Variants in FHIT observed in about 807,000 individuals in gnomAD.
The protein encoded by FHIT is bis(5'-adenosyl)-triphosphatase.
In FHIT, 19 loss-of-function variants were observed where a neutral mutation model predicts 17.9. That is an observed-to-expected ratio of 1.06 (90% CI 0.74 to 1.56). The LOEUF is 1.56. FHIT is among the 40% of genes most tolerant of loss of function. The probability of loss-of-function intolerance (pLI) is 0.00; values close to 1 mark genes in which losing one functional copy is unlikely to be tolerated. For synonymous variants in FHIT, 81 were observed against 69.7 expected, an observed-to-expected ratio of 1.16 and a Z score of -0.81; for missense variants, 248 against 189.2, an observed-to-expected ratio of 1.31 and a Z score of -1.82.
intron 2 of FHIT, among the ~76,000 whole-genome samples, chr3:61,143,617 A>C (rs1024108148): frequency 2.6e-5 from 4 of 152,202 alleles, no homozygotes; most frequent in African/African-American, 9.6e-5. Context: ...TGTAATCCCA[A>C]CGCTCTGGGA....
chr3:60,077,763 C>T (rs571810604), intron 5 of FHIT, among the ~76,000 whole-genome samples: 17 of 136,676 alleles, frequency 1.2e-4, no homozygotes, highest in African/African-American at 4.1e-4. Context: ...TACAAAGTAA[C>T]ATGTAGGATG....
chr3:60,977,281 G>C (rs1433958064), intron 3 of FHIT, among the ~76,000 whole-genome samples: 1 of 152,172 alleles, frequency 6.6e-6, no homozygotes. Context: ...AGAGCAGTCA[G>C]CATTACCGGT....
chr3:60,863,696 A>G (rs1208512783), intron 3 of FHIT, among the ~76,000 whole-genome samples: 1 of 152,216 alleles, frequency 6.6e-6, no homozygotes, highest in Non-Finnish European at 1.5e-5. Flanking sequence ...CAGTAGTGAA[A>G]TAGGTATTAT....
intron 5 of FHIT, among the ~76,000 whole-genome samples, chr3:60,486,219 G>C (rs1238053337): frequency 2.0e-5 from 3 of 151,956 alleles, no homozygotes; most frequent in African/African-American, 4.8e-5. Flanking sequence ...AACAATAATA[G>C]AAAACAGGTA....
At chr3:60,025,571 C>A (rs17061844) in intron 5 of FHIT, among the ~76,000 whole-genome samples, 1 of 152,018 alleles carries the variant, frequency 6.6e-6, no homozygotes, top group Non-Finnish European at 1.5e-5. Flanking sequence ...TTTTTTAATG[C>A]CATAACACCG....
In FHIT at chr3:59,949,686, C is replaced by T. The variant is rs141791613; in HGVS notation, c.280-27272G>A. Among the ~76,000 whole-genome samples, 370 of 152,330 alleles carry T rather than the reference C, an allele frequency of 2.4e-3. 1 individual carries two copies. The highest frequency in any genetic ancestry group is 8.5e-3 in the African/African-American group (355 of 41,574). On this transcript the variant is annotated intron_variant, in intron 7 of 9. Transcript: ENST00000492590. Reference sequence around the variant, plus strand: ...ACGTTTATTGAGGAGTTTCTATTTACGCCAACCTGGGGCTCACATTTGGCT... The same window carrying T: ...ACGTTTATTGAGGAGTTTCTATTTATGCCAACCTGGGGCTCACATTTGGCT...
intron 4 of FHIT, among the ~76,000 whole-genome samples, chr3:60,635,339 C>T (rs1247876580): frequency 5.3e-5 from 8 of 152,158 alleles, no homozygotes; most frequent in African/African-American, 1.9e-4. Flanking sequence ...CATAGCATCT[C>T]CCTCGTAAAC....
rs1256487363 is a variant in FHIT at position 60,065,201 on chromosome 3, TGAA to T, written c.104-51052_104-51050del. Among the ~76,000 whole-genome samples the T allele has an allele frequency of 2.6e-5, 4 of 152,320 alleles. No individual in the cohort carries two copies. The East Asian group carries it at 7.7e-4, about 29-fold the overall frequency. Reference sequence around the variant, plus strand: ...ATGCGTATTACACATACAGCCAGGTTGAAGAAGACAGAAAGCATTAGAATGTGG... The same window carrying T: ...ATGCGTATTACACATACAGCCAGGTTGAAGACAGAAAGCATTAGAATGTGG... On this transcript the variant is annotated intron_variant, in intron 5 of 9. Transcript: ENST00000492590.
intron 7 of FHIT, among the ~76,000 whole-genome samples, chr3:59,948,422 C>G (rs1022956839): frequency 3.3e-5 from 5 of 150,950 alleles, no homozygotes; most frequent in Non-Finnish European, 5.9e-5. Context: ...GAGGCTGAGT[C>G]AGGAGAATTG....
chr3:60,124,062 A>G lies in FHIT; in HGVS notation c.104-109910T>C, dbSNP rs1220625565. 5.0e-5 allele frequency among the ~76,000 whole-genome samples: 6 copies of G among 120,464 alleles called. No individual in the cohort carries two copies. In the East Asian group the frequency reaches 1.2e-3, roughly 24 times the overall value. 79.0% of individuals were successfully genotyped at this position (120,464 alleles called of 152,430 possible). On this transcript the variant is annotated intron_variant, in intron 5 of 9. Coordinates refer to ENST00000492590, the MANE Select transcript of FHIT (RefSeq NM_002012.4). ...GAGAGAGAGAGAGAGAGAGACAGAGAGAGAGAGAGATACAAAGTCTCACTC... is the reference window on the plus strand; with the variant it reads ...GAGAGAGAGAGAGAGAGAGACAGAGGGAGAGAGAGATACAAAGTCTCACTC...
chr3:60,959,938 A>G (rs577733147), intron 3 of FHIT, among the ~76,000 whole-genome samples: 13 of 151,744 alleles, frequency 8.6e-5, no homozygotes, highest in Non-Finnish European at 1.8e-4. Flanking sequence ...TTTTGCAATT[A>G]CAACAACAAC....
intron 5 of FHIT, among the ~76,000 whole-genome samples, chr3:60,156,141 C>T: frequency 6.6e-6 from 1 of 151,822 alleles, no homozygotes; most frequent in African/African-American, 2.4e-5. Flanking sequence ...ATCATGACGT[C>T]AGGAGTTGGA....
At chr3:59,813,984 CACTGA>C (rs757659421) in intron 8 of FHIT, among the ~76,000 whole-genome samples, 2 of 151,728 alleles carry the variant, frequency 1.3e-5, no homozygotes, top group African/African-American at 2.4e-5. Context: ...AGTTGTCTGT[CACTGA>C]CAATTCTAAA....
intron 8 of FHIT, among the ~76,000 whole-genome samples, chr3:59,807,850 T>C (rs1700263072): frequency 6.6e-6 from 1 of 152,156 alleles, no homozygotes; most frequent in Non-Finnish European, 1.5e-5. Flanking sequence ...TTAAACTTGT[T>C]TGGTTTCATG....
At chr3:60,549,160 T>G (rs2036464953) in intron 4 of FHIT, among the ~76,000 whole-genome samples, 1 of 152,186 alleles carries the variant, frequency 6.6e-6, no homozygotes. Context: ...CTAATATTGT[T>G]AAGTTGCTTC....
chr3:59,958,695 G>A (rs1304450311), intron 7 of FHIT, among the ~76,000 whole-genome samples: 2 of 152,204 alleles, frequency 1.3e-5, no homozygotes, highest in African/African-American at 2.4e-5. Context: ...GCAAAATGAT[G>A]AGTAGATGGC....
intron 5 of FHIT, among the ~76,000 whole-genome samples, chr3:60,445,150 A>C (rs1221353628): frequency 6.6e-6 from 1 of 152,094 alleles, no homozygotes; most frequent in African/African-American, 2.4e-5. Flanking sequence ...ATTGCTTGGA[A>C]AACAGAGTAA....
intron 4 of FHIT, among the ~76,000 whole-genome samples, chr3:60,599,030 A>G (rs1409828449): frequency 2.0e-5 from 3 of 152,176 alleles, no homozygotes; most frequent in African/African-American, 7.2e-5. Context: ...GTTAAAATGT[A>G]TTAATGTGCA....
At chr3:61,109,559 A>G (rs1237024290) in intron 2 of FHIT, among the ~76,000 whole-genome samples, 4 of 152,044 alleles carry the variant, frequency 2.6e-5, no homozygotes, top group Admixed American at 2.0e-4. Flanking sequence ...CCTGTATGTA[A>G]GCCCCCAGTA....
Sources: allele counts gnomAD v4.1 joint callset (sites outside exome capture counted in the v4.1 genomes callset), GRCh38; gene constraint gnomAD v4.1.1; transcripts MANE v1.5; gene names NCBI Gene and HGNC (gene_info 2026-07-23, HGNC 2026-07-21).